Variants in HNRNPH1 observed in about 807,000 individuals in gnomAD.
HNRNPH1 encodes heterogeneous nuclear ribonucleoprotein H.
HNRNPH1 carries 4 observed loss-of-function variants against 58.6 expected under a neutral mutation model. The ratio of observed to expected loss-of-function variants is 0.07; its 90% CI spans 0.03 to 0.16. The LOEUF is 0.16. Ranked by LOEUF, HNRNPH1 falls within the 10% of genes least tolerant of loss-of-function variation. The probability of loss-of-function intolerance (pLI) is 1.00; values close to 1 mark genes in which losing one functional copy is unlikely to be tolerated. For missense variants in HNRNPH1, 271 were observed against 564.2 expected, an observed-to-expected ratio of 0.48 and a Z score of 5.26; for synonymous variants, 192 against 189.2, an observed-to-expected ratio of 1.01 and a Z score of -0.12.
At chr5:179,628,694 C>A (rs907912746), upstream of HNRNPH1, among the ~76,000 whole-genome samples, 6 of 152,160 alleles carry the variant, frequency 3.9e-5, no homozygotes, top group Non-Finnish European at 8.8e-5. Flanking sequence ...ACTCCTAGCT[C>A]TCTGGGAGGC....
intron 2 of HNRNPH1, 101 bp downstream of exon 3, chr5:179,621,141 G>C (rs755523819): frequency 4.7e-6 from 7 of 1,493,796 alleles, no homozygotes; most frequent in African/African-American, 4.2e-5. Flanking sequence ...AACTCCCTTA[G>C]ATGACCATTT....
chr5:179,625,976 AT>A (rs1437685853), upstream of HNRNPH1, among the ~76,000 whole-genome samples: 2 of 141,400 alleles, frequency 1.4e-5, no homozygotes, highest in African/African-American at 5.2e-5. Context: ...TTTTGTAGCA[AT>A]GGGGTCTCAT....
At chr5:179,619,652 A>G (rs1771331559) in intron 3 of HNRNPH1, 2 of 295,244 alleles carry the variant, frequency 6.8e-6, no homozygotes, top group East Asian at 5.6e-5. Flanking sequence ...CACAGGATGC[A>G]TTAAGAATTC....
At chr5:179,615,323 C>A in intron 12 of HNRNPH1, 1 of 473,972 alleles carries the variant, frequency 2.1e-6, no homozygotes, top group South Asian at 4.5e-5. Flanking sequence ...CAATGTGTCC[C>A]TCGAATGGCA....
intron 10 of HNRNPH1, chr5:179,616,491 T>C (rs372680484): frequency 3.8e-6 from 2 of 529,894 alleles, no homozygotes; most frequent in East Asian, 6.4e-5. Flanking sequence ...GTGAAGATCT[T>C]ATGAAACTGC....
At chr5:179,625,932 A>ATTATTTATAT (rs1554136354), upstream of HNRNPH1, among the ~76,000 whole-genome samples, 9 of 144,244 alleles carry the variant, frequency 6.2e-5, no homozygotes, top group Middle Eastern at 3.5e-3. Flanking sequence ...CCTTGCTCAG[A>ATTATTTATAT]TTATTTATTT....
At chr5:179,617,604 G>A (rs775237388) in exon 8 of HNRNPH1, 1 of 1,613,928 alleles carries the variant, frequency 6.2e-7, no homozygotes, top group Admixed American at 1.7e-5. Context: ...CTGCCATCAG[G>A]ACCAATTTCA....
chr5:179,631,009 C>G (rs945318398), intron 2 of HNRNPH1, among the ~76,000 whole-genome samples: 1 of 151,396 alleles, frequency 6.6e-6, no homozygotes, highest in Non-Finnish European at 1.5e-5. Context: ...TACTTTTGCA[C>G]TGATTTAATT....
rs946208691 is a variant in HNRNPH1 at position 179,623,596 on chromosome 5, G to A, written c.-463C>T. On this transcript the variant is annotated 5_prime_UTR_variant, in exon 1 of 13. The change creates a new upstream start codon in the 5' untranslated region. Coordinates refer to ENST00000356731, the Ensembl canonical transcript of HNRNPH1. ...AATCCTCGCAAAAACGGTACCCACC[G>A]TGGTCGCTGAACTGCAAGCGAGGAC... 2 of 157,968 alleles carry A rather than the reference G, an allele frequency of 1.3e-5. No individual in the cohort carries two copies. Among genetic ancestry groups the A allele is most frequent in the African/African-American group, 4.8e-5 (2 of 41,504 alleles). The allele number at this position is 157,968 out of a possible 1,614,324, so 9.8% of individuals were successfully genotyped here. A position where few individuals can be genotyped will look rare whatever the true frequency, so the allele number is the denominator to read the frequency against.
chr5:179,614,348 A>C (rs924368790), exon 13 of HNRNPH1: 2 of 56,260 alleles, frequency 3.6e-5, no homozygotes, highest in African/African-American at 1.1e-4. Flanking sequence ...CCATTAACTT[A>C]AAAAAAAAAA....
intron 8 of HNRNPH1, 84 bp downstream of exon 9, chr5:179,617,430 T>C (rs543439893): frequency 1.4e-6 from 2 of 1,445,440 alleles, no homozygotes; most frequent in East Asian, 4.5e-5. Context: ...ACTTCTCATA[T>C]ATCCTTATTT....
At chr5:179,616,563 ATTATGCCCACAT>A (rs1769812508) in intron 10 of HNRNPH1, 1 of 510,954 alleles carries the variant, frequency 2.0e-6, no homozygotes, top group African/African-American at 1.9e-5. Context: ...AATACACCTA[ATTATGCCCACAT>A]TTATCTTAAT....
chr5:179,621,544 A>G (rs1772324487), intron 1 of HNRNPH1, 147 bp from the exon 3 acceptor site: 2 of 634,170 alleles, frequency 3.2e-6, no homozygotes, highest in Non-Finnish European at 2.7e-6. Flanking sequence ...CCAACTCCTA[A>G]AACTCCAATT....
chr5:179,621,469 C>A (rs1215384471), intron 1 of HNRNPH1, 72 bp from the exon 3 acceptor site: 2 of 1,282,336 alleles, frequency 1.6e-6, no homozygotes, highest in South Asian at 1.3e-5. Flanking sequence ...GATGAAATGT[C>A]TATTCCATGT....
At chr5:179,631,963 G>T (rs910324631) in intron 2 of HNRNPH1, among the ~76,000 whole-genome samples, 2 of 152,072 alleles carry the variant, frequency 1.3e-5, no homozygotes, top group Non-Finnish European at 2.9e-5. Flanking sequence ...AGCATCGGCC[G>T]CCTCCGGGAC....
chr5:179,618,141 G>A lies in HNRNPH1; in HGVS notation c.715+4C>T, dbSNP rs4701143. 398,115 of 1,613,004 alleles carry A rather than the reference G, an allele frequency of 0.25. 56,446 individuals are homozygous for A. Among genetic ancestry groups the A allele is most frequent in the East Asian group, 0.62 (27,957 of 44,852 alleles). On this transcript the variant is annotated splice_donor_region_variant and intron_variant, in intron 5 of 12. Transcript: ENST00000356731. ...CTTGCCGAACCTTACGAATCCTCAC[G>A]TACCTCCACCATAAGCACCACGCCT...
At chr5:179,631,212 TAC>T (rs1774803821) in intron 2 of HNRNPH1, among the ~76,000 whole-genome samples, 1 of 152,054 alleles carries the variant, frequency 6.6e-6, no homozygotes, top group Non-Finnish European at 1.5e-5. Context: ...TGAAAAGATA[TAC>T]GTTACGGTAT....
exon 13 of HNRNPH1, chr5:179,614,760 C>G: frequency 1.4e-6 from 1 of 696,584 alleles, no homozygotes; most frequent in South Asian, 1.8e-5. Context: ...ATTGCAGAAA[C>G]TGTTAAACTG....
chr5:179,625,738 G>A (rs1158367410), upstream of HNRNPH1, among the ~76,000 whole-genome samples: 1 of 150,130 alleles, frequency 6.7e-6, no homozygotes, highest in African/African-American at 2.4e-5. Context: ...TATATAAATT[G>A]TCCAACTTAT....
Sources: allele counts gnomAD v4.1 joint callset (sites outside exome capture counted in the v4.1 genomes callset), GRCh38; gene constraint gnomAD v4.1.1; transcripts MANE v1.5; gene names NCBI Gene and HGNC (gene_info 2026-07-23, HGNC 2026-07-21).